ZNF536: variants seen among roughly 807,000 people sequenced by gnomAD.
ZNF536 encodes the protein zinc finger protein 536.
Under a neutral mutation model 84.5 loss-of-function variants are expected in ZNF536, and 13 were observed. That is an observed-to-expected ratio of 0.15 (90% confidence interval 0.10 to 0.24). The LOEUF (loss-of-function observed/expected upper bound fraction) is 0.24. Among genes scored for constraint, ZNF536 ranks in the 10% least tolerant of loss-of-function variants. ZNF536 has a pLI of 1.00. For missense variants in ZNF536, 1,536 were observed against 1,747.5 expected (o/e 0.88, Z 2.16); for synonymous variants, 811 against 742.5 (o/e 1.09, Z -1.50).
chr19:30,623,805 G>A (rs562840477), intron 1 of ZNF536, among the ~76,000 whole-genome samples: 1 of 152,282 alleles, frequency 6.6e-6, no homozygotes, highest in South Asian at 2.1e-4. Flanking sequence ...AAATGTTGGG[G>A]TGTTATCTGT....
At chr19:30,390,236 T>C (rs1050124906) in intron 1 of ZNF536, among the ~76,000 whole-genome samples, 6 of 152,176 alleles carry the variant, frequency 3.9e-5, no homozygotes, top group African/African-American at 1.4e-4. Flanking sequence ...TCCTTTACTT[T>C]AATCTTTAGT....
chr19:30,450,546 A>G (rs1276616251), intron 2 of ZNF536, among the ~76,000 whole-genome samples: 1 of 146,848 alleles, frequency 6.8e-6, no homozygotes, highest in Non-Finnish European at 1.5e-5. Flanking sequence ...AGAACTTTGG[A>G]AAACAATAAT....
chr19:30,307,251 CT>C (rs371891480), intron 2 of ZNF536, among the ~76,000 whole-genome samples: 1 of 151,858 alleles, frequency 6.6e-6, no homozygotes, highest in African/African-American at 2.4e-5. Flanking sequence ...CCTCCCCCCC[CT>C]TTTTTGATTG....
chr19:30,384,957 C>T (rs1417273346), intron 1 of ZNF536, among the ~76,000 whole-genome samples: 3 of 151,964 alleles, frequency 2.0e-5, no homozygotes, highest in East Asian at 3.9e-4. Flanking sequence ...CCCAGGCAGT[C>T]GAGGCTGCAG....
At position 30,557,222 on chromosome 19, in the gene ZNF536, TG is replaced by T; in HGVS notation, c.*60del. 1 of 1,593,254 alleles carries T rather than the reference TG, an allele frequency of 6.3e-7. No homozygotes were observed. Among genetic ancestry groups the T allele is most frequent in the Non-Finnish European group, 8.6e-7 (1 of 1,162,242 alleles). ...GCCCTTGTCTGTTCGTGGTCCTCGG[TG>T]GTTATCTGCAGCTTGTTAATCGTGT... On this transcript the variant is annotated 3_prime_UTR_variant, in exon 5 of 5. Coordinates refer to ENST00000355537, the MANE Select transcript of ZNF536 (RefSeq NM_014717.3).
chr19:30,658,064 C>G (rs2049982095), intron 1 of ZNF536, among the ~76,000 whole-genome samples: 1 of 151,516 alleles, frequency 6.6e-6, no homozygotes, highest in African/African-American at 2.4e-5. Flanking sequence ...GCTGTATCAC[C>G]CAGGCTGGAG....
At position 30,596,912 on chromosome 19, in the gene ZNF536, C is replaced by T. The variant is rs145123498; in HGVS notation, c.169+47398C>T. ...GGAGGCTCTCTTATTACTGGACTAG[C>T]TTCTCTCTCCACCTGATCTGACCTT... On this transcript the variant is annotated intron_variant, in intron 1 of 1. Coordinates refer to the ZNF536 transcript ENST00000592773. Among the ~76,000 whole-genome samples the T allele has an allele frequency of 3.9e-5, 6 of 151,970 alleles. No homozygotes were observed. The East Asian group carries it at 1.2e-3, about 30-fold the overall frequency.
rs371166563 is a variant in ZNF536 at position 30,548,571 on chromosome 19, C to T, written c.2952C>T (p.Ala984=). The change falls in exon 4 of 5, where the codon GCC becomes GCT. Residue 984 remains alanine, a synonymous_variant. Coordinates refer to ENST00000355537, the MANE Select transcript of ZNF536 (RefSeq NM_014717.3). ...TGGACTTGTCTGTGCGGCCAGATGC[C>T]GCCTCCCTCCCGGGCTCCTCGGTAA... The part of the protein sequence containing the change: ...EPLDLSVRPD[A]ASLPGSSVTV... 2.2e-5 allele frequency: 36 copies of T among 1,614,020 alleles called. No individual in the cohort carries two copies. Among genetic ancestry groups the T allele is most frequent in the African/African-American group, 4.0e-5 (3 of 74,930 alleles).
At chr19:30,357,006 C>A (rs1198361316) in intron 3 of ZNF536, among the ~76,000 whole-genome samples, 1 of 152,188 alleles carries the variant, frequency 6.6e-6, no homozygotes, top group Admixed American at 6.5e-5. Flanking sequence ...GCACTGGGCA[C>A]AATGTTGGAC....
At chr19:30,242,428 G>A (rs764483424) in intron 1 of ZNF536, among the ~76,000 whole-genome samples, 1 of 152,158 alleles carries the variant, frequency 6.6e-6, no homozygotes, top group Non-Finnish European at 1.5e-5. Context: ...GTTAGACTTG[G>A]TTGTGCTTCA....
intron 2 of ZNF536, among the ~76,000 whole-genome samples, chr19:30,350,638 T>G (rs1235574579): frequency 6.6e-6 from 1 of 152,220 alleles, no homozygotes; most frequent in Non-Finnish European, 1.5e-5. Context: ...ATAAGCATCA[T>G]AAAATCTAAT....
At chr19:30,286,111 C>T (rs1389609671) in intron 2 of ZNF536, among the ~76,000 whole-genome samples, 2 of 151,940 alleles carry the variant, frequency 1.3e-5, no homozygotes, top group African/African-American at 4.8e-5. Context: ...CTGGCCCGAG[C>T]GAGGGCCTGA....
intron 2 of ZNF536, among the ~76,000 whole-genome samples, chr19:30,491,943 A>G (rs1265265589): frequency 6.6e-6 from 1 of 151,736 alleles, no homozygotes; most frequent in Non-Finnish European, 1.5e-5. Context: ...GTGTTTTCTC[A>G]CTGACTTTTG....
At chr19:30,617,333 CTT>C (rs556835599) in intron 1 of ZNF536, among the ~76,000 whole-genome samples, 447 of 37,370 alleles carry the variant, frequency 0.012, no homozygotes, top group Non-Finnish European at 0.019. Context: ...GAATAGCTTA[CTT>C]TTTTTTTTTT....
chr19:30,260,284 G>A (rs2025140736), intron 1 of ZNF536, among the ~76,000 whole-genome samples: 1 of 152,190 alleles, frequency 6.6e-6, no homozygotes. Context: ...CATCCTGCAG[G>A]GCATTAGGTG....
chr19:30,370,261 C>A (rs1262104128), upstream of ZNF536, among the ~76,000 whole-genome samples: 2 of 152,124 alleles, frequency 1.3e-5, no homozygotes, highest in Admixed American at 1.3e-4. Flanking sequence ...TTAGGGGAGA[C>A]CTTTTCTAAC....
At chr19:30,628,738 GC>G (rs2048782078) in intron 1 of ZNF536, among the ~76,000 whole-genome samples, 1 of 151,982 alleles carries the variant, frequency 6.6e-6, no homozygotes, top group Non-Finnish European at 1.5e-5. Flanking sequence ...TCGCTTTGGA[GC>G]CCAGGCTGGA....
intron 2 of ZNF536, among the ~76,000 whole-genome samples, chr19:30,350,300 A>G (rs946302245): frequency 3.3e-5 from 5 of 152,206 alleles, no homozygotes; most frequent in Admixed American, 2.6e-4. Flanking sequence ...GAAATCAAAA[A>G]TCTCATTTCA....
intron 1 of ZNF536, among the ~76,000 whole-genome samples, chr19:30,234,794 C>A (rs1314916664): frequency 6.6e-6 from 1 of 151,914 alleles, no homozygotes; most frequent in African/African-American, 2.4e-5. Context: ...CACCCCACAC[C>A]ACGAAGTAGC....
Sources: allele counts gnomAD v4.1 joint callset (sites outside exome capture counted in the v4.1 genomes callset), GRCh38; gene constraint gnomAD v4.1.1; transcripts MANE v1.5; gene names NCBI Gene and HGNC (gene_info 2026-07-23, HGNC 2026-07-21).